Variants in THG1L observed in about 807,000 individuals in gnomAD.
THG1L encodes the protein tRNA-histidine guanylyltransferase 1 like.
THG1L carries 27 observed loss-of-function variants against 35.2 expected under a neutral mutation model. That is an observed-to-expected ratio of 0.77 (90% CI 0.57 to 1.06). The LOEUF (loss-of-function observed/expected upper bound fraction) is 1.06. THG1L is among the 50% of genes least tolerant of loss of function. The pLI is 0.00. For missense variants in THG1L, 377 were observed against 371.8 expected, an observed-to-expected ratio of 1.01 and a Z score of -0.12; for synonymous variants, 135 against 132.4, an observed-to-expected ratio of 1.02 and a Z score of -0.14.
intron 2 of THG1L, among the ~76,000 whole-genome samples, chr5:157,733,503 C>CT (rs1298025581): frequency 6.6e-6 from 1 of 151,990 alleles, no homozygotes; most frequent in Non-Finnish European, 1.5e-5. Flanking sequence ...TTCTTTCTTT[C>CT]TTTTTTTAAT....
Position 157,731,700 on chromosome 5 carries a change from A to G in THG1L, c.191+69A>G, listed in dbSNP as rs1409774195. The G allele has an allele frequency of 1.1e-5, 17 of 1,525,368 alleles. No homozygotes were observed. The South Asian group carries it at 1.4e-4, about 13-fold the overall frequency. The allele number at this position is 1,525,368 out of a possible 1,614,324, so 94.5% of individuals were successfully genotyped here. On this transcript the variant is annotated intron_variant, in intron 1 of 5. Coordinates refer to ENST00000231198, the MANE Select transcript of THG1L (RefSeq NM_017872.5). ...CGGGGAATCCAGCTTCTTCCCTTGCAAGTCCTCCCGCCCGCTCCAGTCACG... is the reference window on the plus strand; with the variant it reads ...CGGGGAATCCAGCTTCTTCCCTTGCGAGTCCTCCCGCCCGCTCCAGTCACG...
At chr5:157,732,226 AAAAAAAAAAAAAAAAAAAG>A (rs1428681815) in intron 1 of THG1L, among the ~76,000 whole-genome samples, 1 of 114,228 alleles carries the variant, frequency 8.8e-6, no homozygotes, top group Non-Finnish European at 2.0e-5. Flanking sequence ...AAAAAAAAAA[AAAAAAAAAAAAAAAAAAAG>A]AGAGAGAGAG....
intron 4 of THG1L, among the ~76,000 whole-genome samples, chr5:157,737,208 G>A (rs1760910217): frequency 6.6e-6 from 1 of 151,998 alleles, no homozygotes; most frequent in Admixed American, 6.6e-5. Context: ...AGGAAAACTG[G>A]GGCCTGGTGT....
At chr5:157,736,465 G>T (rs1448405968) in intron 4 of THG1L, among the ~76,000 whole-genome samples, 1 of 152,164 alleles carries the variant, frequency 6.6e-6, no homozygotes, top group African/African-American at 2.4e-5. Context: ...GGCCAGGCTG[G>T]TCTTGAACTC....
intron 2 of THG1L, among the ~76,000 whole-genome samples, chr5:157,733,741 G>A (rs1005344995): frequency 2.0e-5 from 3 of 152,150 alleles, no homozygotes; most frequent in Non-Finnish European, 4.4e-5. Context: ...GAGAGGGTAA[G>A]GGAGAGGATT....
rs34744387 is a variant in THG1L, at chr5:157,732,215, C to CAAAAA, written c.191+609_191+613dup. On this transcript the variant is annotated intron_variant, in intron 1 of 5. Coordinates refer to ENST00000231198, the MANE Select transcript of THG1L (RefSeq NM_017872.5). ...TGTTGTTTGTGAAACTCCGCCACTA[C>CAAAAA]AAAAAAAAAAAAAAAAAAAAAAAAA... Among the ~76,000 whole-genome samples the CAAAAA allele has an allele frequency of 4.7e-3, 251 of 53,806 alleles. 18 individuals are homozygous for CAAAAA. Among genetic ancestry groups the CAAAAA allele is most frequent in the African/African-American group, 8.5e-3 (92 of 10,780 alleles). The allele number at this position is 53,806 out of a possible 152,430, so 35.3% of individuals were successfully genotyped here.
chr5:157,731,720 G>A (rs1312351098), intron 1 of THG1L, 89 bp downstream of exon 1: 3 of 1,484,280 alleles, frequency 2.0e-6, no homozygotes, highest in Non-Finnish European at 2.7e-6. Context: ...GCCCGCTCCA[G>A]TCACGGTTAC....
chr5:157,731,431 C>A lies in THG1L; in HGVS notation c.-10C>A, dbSNP rs2270818. On this transcript the variant is annotated 5_prime_UTR_variant, in exon 1 of 6. Coordinates refer to ENST00000231198, the MANE Select transcript of THG1L (RefSeq NM_017872.5). ...CGGGGCTATCTGGCCCTTTCCTTTC[C>A]GCGTGTAGAATGTGGGGCGCCTGTA... 0.15 allele frequency: 239,415 copies of A among 1,577,552 alleles called. 19,725 individuals are homozygous for A. The highest frequency in any genetic ancestry group is 0.22 in the South Asian group (18,839 of 83,958).
Position 157,731,472 on chromosome 5 carries a change from A to G in THG1L, c.32A>G (p.Asp11Gly). 6.2e-7 allele frequency: 1 copy of G among 1,609,872 alleles called. No homozygotes were observed. MWGACKVKVH[D>G]SLATISITLR... ...GGCGCCTGTAAAGTTAAGGTTCACG[A>G]TTCCTTGGCCACCATTTCCATCACT... The change falls in exon 1 of 6, where the codon GAT (aspartate) becomes GGT (glycine). Residue 11 changes from aspartate to glycine, a missense_variant. Asp to Gly is a moderately conservative substitution (Grantham distance 94, BLOSUM62 -1). Coordinates refer to ENST00000231198, the MANE Select transcript of THG1L (RefSeq NM_017872.5).
At position 157,739,355 on chromosome 5, in the gene THG1L, C is replaced by T. The variant is rs747652053; in HGVS notation, c.770C>T (p.Pro257Leu). ...GTGATGACAAAAGAAATTAAGCTGC[C>T]AACAGAAATGGAAGGAAAAAAGATG... ...DEVMTKEIKL[P>L]TEMEGKKMAV... The change falls in exon 6 of 6, where the codon CCA (proline) becomes CTA (leucine). Residue 257 changes from proline to leucine, a missense_variant. Pro to Leu is a moderately conservative substitution (Grantham distance 98). Coordinates refer to ENST00000231198, the MANE Select transcript of THG1L (RefSeq NM_017872.5). 4 of 1,612,794 alleles carry T rather than the reference C, an allele frequency of 2.5e-6. No homozygotes were observed. The South Asian group carries it at 4.4e-5, about 18-fold the overall frequency.
At chr5:157,739,054 G>A (rs987568351) in intron 5 of THG1L, among the ~76,000 whole-genome samples, 1 of 151,954 alleles carries the variant, frequency 6.6e-6, no homozygotes, top group African/African-American at 2.4e-5. Context: ...GATTACAGGC[G>A]TGAGCCACCG....
chr5:157,736,753 A>G (rs1005547460), intron 4 of THG1L, among the ~76,000 whole-genome samples: 2 of 144,364 alleles, frequency 1.4e-5, no homozygotes, highest in African/African-American at 2.6e-5. Context: ...TCAGTTCTTT[A>G]TAGGTAAAAT....
In THG1L at chr5:157,731,581, C is replaced by T; in HGVS notation, c.141C>T (p.Cys47=). ...GGGACTTCGAGGCTGACGACACCTG[C>T]CTGGCACACTGCTGGGTGGTAGTGC... The part of the protein sequence containing the change: ...YVRDFEADDT[C]LAHCWVVVRL... The change falls in exon 1 of 6, where the codon TGC becomes TGT. Residue 47 remains cysteine (C), a synonymous_variant. Coordinates refer to ENST00000231198, the MANE Select transcript of THG1L (RefSeq NM_017872.5). 6.2e-7 allele frequency: 1 copy of T among 1,611,214 alleles called. No individual in the cohort carries two copies.
At chr5:157,733,537 C>T (rs1322765220) in intron 2 of THG1L, among the ~76,000 whole-genome samples, 2 of 152,038 alleles carry the variant, frequency 1.3e-5, no homozygotes, top group East Asian at 3.9e-4. Context: ...CTCTGTGTTG[C>T]CCAGGCTGGT....
At chr5:157,736,251 C>CG (rs374727193) in intron 4 of THG1L, among the ~76,000 whole-genome samples, 2 of 141,438 alleles carry the variant, frequency 1.4e-5, no homozygotes, top group African/African-American at 5.2e-5. Flanking sequence ...TCAGCACTGA[C>CG]TTTTTTTTTT....
intron 4 of THG1L, among the ~76,000 whole-genome samples, chr5:157,736,213 C>T (rs939635060): frequency 2.6e-5 from 4 of 151,198 alleles, no homozygotes; most frequent in Admixed American, 6.6e-5. Context: ...TGCCTGAAGC[C>T]GTGTATGACT....
At chr5:157,731,767 A>C (rs934621479) in intron 1 of THG1L, 136 bp downstream of exon 1, 1 of 1,132,392 alleles carries the variant, frequency 8.8e-7, no homozygotes, top group Non-Finnish European at 1.2e-6. Context: ...CGCAGCATGG[A>C]GCATTGCCCC....
chr5:157,739,466 T>C lies in THG1L; in HGVS notation c.881T>C (p.Leu294Pro), dbSNP rs1581444231. The C allele has an allele frequency of 6.2e-7, 1 of 1,613,098 alleles. No homozygotes were observed. Among genetic ancestry groups the C allele is most frequent in the Middle Eastern group, 1.7e-4 (1 of 6,058 alleles). ...TTCTGGAAGGAACATCCAGAGATTC[T>C]AGATGAAGACAGCTGACCCTTTTGC... The part of the protein sequence containing the change: ...DAFWKEHPEI[L>P]DEDS Residue 294 changes from leucine (L) to proline (P), a missense_variant, in exon 6 of 6, where the codon CTA becomes CCA. Leu to Pro is a moderately conservative substitution (Grantham distance 98, BLOSUM62 -3). Coordinates refer to ENST00000231198, the MANE Select transcript of THG1L (RefSeq NM_017872.5).
At chr5:157,736,247 C>G (rs1040643645) in intron 4 of THG1L, among the ~76,000 whole-genome samples, 16 of 142,030 alleles carry the variant, frequency 1.1e-4, no homozygotes, top group Admixed American at 3.7e-4. Flanking sequence ...GTCTTCAGCA[C>G]TGACTTTTTT....
Sources: allele counts gnomAD v4.1 joint callset (sites outside exome capture counted in the v4.1 genomes callset), GRCh38; gene constraint gnomAD v4.1.1; transcripts MANE v1.5; gene names NCBI Gene and HGNC (gene_info 2026-07-23, HGNC 2026-07-21).